Variants in ERC2 observed in about 807,000 individuals in gnomAD.
ERC2 encodes ELKS/RAB6-interacting/CAST family member 2.
ERC2 carries 42 observed loss-of-function variants against 114.8 expected under a neutral mutation model. The ratio of observed to expected loss-of-function variants is 0.37; its 90% CI spans 0.29 to 0.47. ERC2 has a LOEUF of 0.47. ERC2 is among the 20% of genes least tolerant of loss of function. The probability of loss-of-function intolerance (pLI) is 0.99; values close to 1 mark genes in which losing one functional copy is unlikely to be tolerated. For missense variants in ERC2, 939 were observed against 1,150.7 expected (o/e 0.82, Z 2.66); for synonymous variants, 454 against 425.5 (o/e 1.07, Z -0.82).
chr3:55,765,488 T>C (rs1357434132), intron 14 of ERC2, among the ~76,000 whole-genome samples: 2 of 152,224 alleles, frequency 1.3e-5, no homozygotes, highest in African/African-American at 2.4e-5. Flanking sequence ...AGAGAGCTAT[T>C]GTATTCCACC....
intron 12 of ERC2, among the ~76,000 whole-genome samples, chr3:55,957,329 T>G (rs1350959660): frequency 1.3e-5 from 2 of 152,188 alleles, no homozygotes; most frequent in Admixed American, 6.5e-5. Flanking sequence ...TCAGCTGCAT[T>G]CTTATTGCAG....
chr3:56,222,408 C>A (rs2049970388), intron 3 of ERC2, among the ~76,000 whole-genome samples: 1 of 152,140 alleles, frequency 6.6e-6, no homozygotes, highest in Non-Finnish European at 1.5e-5. Context: ...CATGGAACAC[C>A]ATGGACACAC....
chr3:56,275,121 G>A lies in ERC2; in HGVS notation c.1074+20898C>T, dbSNP rs569601643. ...AGGATAATGAGTTTTCCAGAAACAC[G>A]ATCCCAGTTTCCCAAGCAATGGAAG... On this transcript the variant is annotated intron_variant, in intron 3 of 17. Transcript: ENST00000288221. 4.6e-5 allele frequency among the ~76,000 whole-genome samples: 7 copies of A among 152,252 alleles called. No homozygotes were observed. In the East Asian group the frequency reaches 1.2e-3, roughly 25 times the overall value.
intron 2 of ERC2, among the ~76,000 whole-genome samples, chr3:56,327,133 G>T (rs938545974): frequency 2.0e-5 from 3 of 152,156 alleles, no homozygotes; most frequent in Non-Finnish European, 4.4e-5. Flanking sequence ...TCCATTTTCA[G>T]ACTGCTGTAA....
chr3:56,336,478 T>C (rs937525329), intron 2 of ERC2, among the ~76,000 whole-genome samples: 13 of 152,098 alleles, frequency 8.5e-5, no homozygotes, highest in African/African-American at 2.9e-4. Flanking sequence ...TGAATGCAGA[T>C]GGACCAGCTG....
intron 2 of ERC2, among the ~76,000 whole-genome samples, chr3:56,415,793 T>C (rs910975492): frequency 5.9e-5 from 9 of 152,186 alleles, no homozygotes; most frequent in East Asian, 5.8e-4. Context: ...TGTCATCCCA[T>C]TGCAAGCAAA....
intron 17 of ERC2, among the ~76,000 whole-genome samples, chr3:55,563,953 C>T (rs997656409): frequency 2.0e-5 from 3 of 152,220 alleles, no homozygotes; most frequent in Non-Finnish European, 4.4e-5. Context: ...CAGTTACCCA[C>T]AATATTTGCA....
chr3:55,783,794 C>T (rs2069255755), intron 14 of ERC2, among the ~76,000 whole-genome samples: 2 of 152,128 alleles, frequency 1.3e-5, no homozygotes, highest in African/African-American at 4.8e-5. Flanking sequence ...AAACACCCAT[C>T]CCCAAGGCAA....
chr3:55,704,720 C>T (rs899409623), intron 15 of ERC2, among the ~76,000 whole-genome samples: 2 of 152,148 alleles, frequency 1.3e-5, no homozygotes, highest in African/African-American at 4.8e-5. Flanking sequence ...AAAATGAAGT[C>T]AGAGGATGCA....
intron 15 of ERC2, among the ~76,000 whole-genome samples, chr3:55,702,076 A>G (rs541930783): frequency 7.9e-5 from 12 of 151,848 alleles, no homozygotes; most frequent in South Asian, 6.2e-4. Context: ...CAACAAGCCT[A>G]AAGTTCCCTA....
intron 14 of ERC2, among the ~76,000 whole-genome samples, chr3:55,748,685 T>A (rs1175222046): frequency 6.6e-6 from 1 of 152,180 alleles, no homozygotes; most frequent in Non-Finnish European, 1.5e-5. Context: ...TCTGCATGTA[T>A]CAAATACTAG....
At chr3:55,923,941 T>C (rs2065596052) in intron 13 of ERC2, among the ~76,000 whole-genome samples, 4 of 152,160 alleles carry the variant, frequency 2.6e-5, no homozygotes. Flanking sequence ...GAAATCTATT[T>C]GCTGTAGTGA....
intron 10 of ERC2, among the ~76,000 whole-genome samples, chr3:55,995,417 A>G (rs1350091936): frequency 6.6e-6 from 1 of 152,204 alleles, no homozygotes; most frequent in African/African-American, 2.4e-5. Context: ...CTCTATATCA[A>G]TATCTACTGA....
intron 14 of ERC2, among the ~76,000 whole-genome samples, chr3:55,779,822 A>G (rs2068896013): frequency 6.6e-6 from 1 of 152,312 alleles, no homozygotes; most frequent in South Asian, 2.1e-4. Flanking sequence ...TCAGTGGTAC[A>G]CATCAGAATC....
chr3:55,987,734 TC>T (rs2070743421), intron 11 of ERC2, among the ~76,000 whole-genome samples: 1 of 152,186 alleles, frequency 6.6e-6, no homozygotes, highest in Non-Finnish European at 1.5e-5. Context: ...ATTCTCTTCC[TC>T]AAACTTAGAT....
At chr3:56,062,156 C>T (rs1190819409) in intron 7 of ERC2, among the ~76,000 whole-genome samples, 7 of 152,140 alleles carry the variant, frequency 4.6e-5, no homozygotes, top group African/African-American at 1.7e-4. Flanking sequence ...AAAGGCTATA[C>T]TGTTTCTTTT....
chr3:56,334,262 T>C (rs1156456875), intron 2 of ERC2, among the ~76,000 whole-genome samples: 1 of 152,220 alleles, frequency 6.6e-6, no homozygotes, highest in East Asian at 1.9e-4. Context: ...GGAGGCCGAC[T>C]GGCGGAGGGC....
chr3:56,020,513 G>T (rs2073635133), intron 7 of ERC2, among the ~76,000 whole-genome samples: 1 of 152,112 alleles, frequency 6.6e-6, no homozygotes, highest in Non-Finnish European at 1.5e-5. Flanking sequence ...CAAAACAAAG[G>T]CTTCCTCCCT....
At chr3:55,551,511 C>T (rs62251505) in intron 17 of ERC2, among the ~76,000 whole-genome samples, 8,471 of 151,834 alleles carry the variant, frequency 0.056, 327 homozygotes, top group Middle Eastern at 0.075. Context: ...AGACAGAGTG[C>T]GATTCCGTCT....
Sources: gnomAD v4.1 joint callset for allele counts (sites outside exome capture counted in the v4.1 genomes callset) on GRCh38, gnomAD v4.1.1 for gene constraint, MANE v1.5 for transcripts, NCBI Gene and HGNC (gene_info 2026-07-23, HGNC 2026-07-21) for gene names.